Variants in MED14 observed in about 807,000 individuals in gnomAD.
The protein encoded by MED14 is mediator of RNA polymerase II transcription subunit 14.
A neutral mutation model predicts 109.0 loss-of-function variants in MED14; 8 were observed. The observed-to-expected ratio is 0.07, with a 90% CI of 0.04 to 0.13. The LOEUF is 0.13. Ranked by LOEUF, MED14 falls within the 10% of genes least tolerant of loss-of-function variation. The probability of loss-of-function intolerance (pLI) is 1.00; values close to 1 mark genes in which losing one functional copy is unlikely to be tolerated. For missense variants in MED14, 711 were observed against 1,142.4 expected (o/e 0.62, Z 5.44); for synonymous variants, 399 against 408.7 (o/e 0.98, Z 0.29).
intron 3 of MED14, among the ~76,000 whole-genome samples, chrX:40,721,883 C>G (rs957010483): frequency 1.8e-5 from 2 of 112,455 alleles, no homozygotes; most frequent in Non-Finnish European, 3.8e-5. Context: ...AGAAATCTTC[C>G]AGATCTTATC....
chrX:40,700,433 A>T (rs1217367178), intron 12 of MED14, among the ~76,000 whole-genome samples: 1 of 106,468 alleles, frequency 9.4e-6, no homozygotes, highest in African/African-American at 3.4e-5. Context: ...GTTATATTGA[A>T]TTTTTCAAAT....
chrX:40,712,349 AC>A, intron 6 of MED14, 56 bp from the exon 7 acceptor site: 1 of 769,000 alleles, frequency 1.3e-6, no homozygotes, highest in Non-Finnish European at 1.9e-6. Flanking sequence ...CAAGTGTGTC[AC>A]TATACCAACT....
intron 1 of MED14, among the ~76,000 whole-genome samples, chrX:40,730,166 C>G (rs1327275458): frequency 8.9e-6 from 1 of 112,126 alleles, no homozygotes; most frequent in Non-Finnish European, 1.9e-5. Context: ...GCCACAGGAA[C>G]AGAAAAACTA....
intron 21 of MED14, among the ~76,000 whole-genome samples, chrX:40,676,793 C>T (rs115676613): frequency 2.5e-3 from 278 of 112,098 alleles, no homozygotes; most frequent in African/African-American, 8.5e-3. Flanking sequence ...CCATGTAAGG[C>T]GTGCTTGCTT....
At chrX:40,704,855 G>C (rs1472188859) in intron 10 of MED14, among the ~76,000 whole-genome samples, 2 of 111,530 alleles carry the variant, frequency 1.8e-5, no homozygotes, top group African/African-American at 6.5e-5. Flanking sequence ...GCGCTGACAT[G>C]ATGCTCAAAG....
intron 12 of MED14, among the ~76,000 whole-genome samples, chrX:40,697,849 T>C (rs901675304): frequency 2.1e-4 from 23 of 112,048 alleles, no homozygotes; most frequent in African/African-American, 7.5e-4. Context: ...CCTTGATGAA[T>C]AGGGCAAAGA....
intron 23 of MED14, among the ~76,000 whole-genome samples, chrX:40,669,581 C>A (rs1929644751): frequency 8.9e-6 from 1 of 112,248 alleles, no homozygotes; most frequent in Admixed American, 9.4e-5. Context: ...CCCCTCCTTT[C>A]TCTGTGAAAT....
At chrX:40,691,007 ACT>A (rs1008048498) in intron 15 of MED14, among the ~76,000 whole-genome samples, 1 of 112,175 alleles carries the variant, frequency 8.9e-6, no homozygotes, top group African/African-American at 3.2e-5. Flanking sequence ...ATTCACAATA[ACT>A]TACAGAGGAG....
At chrX:40,654,865 A>G in intron 29 of MED14, 70 bp downstream of exon 29, 1 of 1,131,927 alleles carries the variant, frequency 8.8e-7, no homozygotes, top group Non-Finnish European at 1.2e-6. Flanking sequence ...GTTATCCAAA[A>G]GTTGCTCTAT....
chrX:40,708,548 G>T (rs1931229318), intron 10 of MED14, among the ~76,000 whole-genome samples: 1 of 111,959 alleles, frequency 8.9e-6, no homozygotes, highest in African/African-American at 3.2e-5. Context: ...TACTTATAAG[G>T]CACTTCACTT....
intron 21 of MED14, among the ~76,000 whole-genome samples, chrX:40,677,248 T>G (rs955337767): frequency 8.9e-6 from 1 of 112,314 alleles, no homozygotes; most frequent in African/African-American, 3.2e-5. Flanking sequence ...GCAGAAGATT[T>G]GGATACTCCT....
intron 8 of MED14, among the ~76,000 whole-genome samples, chrX:40,710,751 A>G (rs1381193530): frequency 7.1e-5 from 8 of 112,668 alleles, no homozygotes; most frequent in African/African-American, 2.6e-4. Context: ...CTATGTATTT[A>G]AAACATGTTC....
At chrX:40,678,565 T>C (rs951451748) in intron 21 of MED14, among the ~76,000 whole-genome samples, 12 of 111,225 alleles carry the variant, frequency 1.1e-4, no homozygotes, top group African/African-American at 3.9e-4. Flanking sequence ...AATGTGTTTA[T>C]GCACTGAGAG....
chrX:40,710,677 C>T (rs747372181), intron 8 of MED14, among the ~76,000 whole-genome samples: 1 of 102,128 alleles, frequency 9.8e-6, no homozygotes, highest in East Asian at 2.9e-4. Context: ...TGGTATAAAC[C>T]CAAAGTAAAC....
rs144161298 is a variant in MED14 at position 40,666,446 on chromosome X, A to G, written c.3265+274T>C. ...GGTAGACAGCAAGTGAGAATAACAG[A>G]AACGTGAGAGGGCAGGCAAGCAGGG... is the stretch of plus-strand genomic sequence containing the variant. On this transcript the variant is annotated intron_variant, in intron 24 of 30. Transcript: ENST00000324817. 4.0e-3 allele frequency among the ~76,000 whole-genome samples: 445 copies of G among 110,211 alleles called. 5 individuals carry two copies. Among genetic ancestry groups the G allele is most frequent in the African/African-American group, 0.014 (427 of 30,291 alleles).
At chrX:40,704,612 T>C (rs1436147899) in intron 10 of MED14, among the ~76,000 whole-genome samples, 1 of 112,561 alleles carries the variant, frequency 8.9e-6, no homozygotes, top group African/African-American at 3.2e-5. Context: ...ATGTATATTA[T>C]CTATATTCCT....
chrX:40,734,879 TC>T (rs988199643), intron 1 of MED14, among the ~76,000 whole-genome samples: 3 of 112,562 alleles, frequency 2.7e-5, no homozygotes, highest in African/African-American at 9.7e-5. Context: ...TAGAGTTTTT[TC>T]TAAAAGCTCG....
At chrX:40,706,373 G>A (rs952535700) in intron 10 of MED14, among the ~76,000 whole-genome samples, 1 of 111,339 alleles carries the variant, frequency 9.0e-6, no homozygotes, top group Non-Finnish European at 1.9e-5. Flanking sequence ...GATCAACCCC[G>A]CATGCAAGCT....
chrX:40,662,585 G>A (rs778000141), intron 26 of MED14, among the ~76,000 whole-genome samples: 25 of 111,380 alleles, frequency 2.2e-4, no homozygotes, highest in Non-Finnish European at 3.8e-4. Flanking sequence ...CACTCCAGAA[G>A]GCAAATAATT....
Sources: gnomAD v4.1 joint callset for allele counts (sites outside exome capture counted in the v4.1 genomes callset) on GRCh38, gnomAD v4.1.1 for gene constraint, MANE v1.5 for transcripts, NCBI Gene and HGNC (gene_info 2026-07-23, HGNC 2026-07-21) for gene names.